Variants in GRIN3A observed in about 807,000 individuals in gnomAD.
GRIN3A encodes glutamate receptor ionotropic, NMDA 3A.
GRIN3A carries 47 observed loss-of-function variants against 92.4 expected under a neutral mutation model. The observed-to-expected ratio is 0.51, with a 90% CI of 0.40 to 0.65. The LOEUF (loss-of-function observed/expected upper bound fraction) is 0.65. Ranked by LOEUF, GRIN3A falls within the 30% of genes least tolerant of loss-of-function variation. The pLI is 0.00. For synonymous variants in GRIN3A, 527 were observed against 540.6 expected, an observed-to-expected ratio of 0.97 and a Z score of 0.35; for missense variants, 1,324 against 1,393.1, an observed-to-expected ratio of 0.95 and a Z score of 0.79.
chr9:101,686,698 GCTAC>G lies in GRIN3A; in HGVS notation c.1198_1201del (p.Val400ProfsTer5). The G allele has an allele frequency of 1.2e-6, 2 of 1,614,186 alleles. No individual in the cohort carries two copies. Among genetic ancestry groups the G allele is most frequent in the East Asian group, 4.5e-5 (2 of 44,870 alleles). ...TTCTGGTTGGATCATGGTGGCTGTG[GCTAC>G]AGCTCTTGCGACCAGCTCCATAGCA... On this transcript the variant is annotated frameshift_variant, in exon 2 of 9. Coordinates refer to ENST00000361820, the MANE Select transcript of GRIN3A (RefSeq NM_133445.3). LOFTEE classifies it high-confidence loss of function.
intron 2 of GRIN3A, among the ~76,000 whole-genome samples, chr9:101,682,907 G>T (rs559124198): frequency 1.7e-3 from 265 of 152,348 alleles, no homozygotes; most frequent in Middle Eastern, 6.8e-3. Flanking sequence ...GCGTGAACCA[G>T]GGAGGCGGAG....
At chr9:101,577,888 C>T (rs761199190) in intron 7 of GRIN3A, 44 bp from the exon 8 acceptor site, 10 of 1,419,298 alleles carry the variant, frequency 7.0e-6, no homozygotes, top group Admixed American at 5.0e-5. Context: ...ATGAGAAACA[C>T]ATAGGTCAGG....
intron 4 of GRIN3A, among the ~76,000 whole-genome samples, chr9:101,625,979 G>A (rs10512283): frequency 0.19 from 29,481 of 152,130 alleles, 3,192 homozygotes; most frequent in Non-Finnish European, 0.25. Flanking sequence ...TCTTGATTTT[G>A]GACTGCAAAG....
chr9:101,734,101 T>G (rs748599367), intron 1 of GRIN3A, among the ~76,000 whole-genome samples: 31 of 152,344 alleles, frequency 2.0e-4, no homozygotes, highest in Middle Eastern at 3.4e-3. Context: ...GAGGTGTATA[T>G]TTTTTTTAAA....
At chr9:101,615,214 CT>C (rs66704416) in intron 5 of GRIN3A, among the ~76,000 whole-genome samples, 68,629 of 143,638 alleles carry the variant, frequency 0.48, 17,183 homozygotes, top group African/African-American at 0.67. Flanking sequence ...AACCCAAACC[CT>C]TTTTTTTTTT....
intron 3 of GRIN3A, among the ~76,000 whole-genome samples, chr9:101,632,546 A>C (rs1419615188): frequency 6.6e-6 from 1 of 152,170 alleles, no homozygotes; most frequent in Non-Finnish European, 1.5e-5. Flanking sequence ...GATACATTAA[A>C]AATTTGGTGG....
intron 3 of GRIN3A, among the ~76,000 whole-genome samples, chr9:101,646,337 A>C (rs1366251297): frequency 6.6e-6 from 1 of 151,652 alleles, no homozygotes; most frequent in Non-Finnish European, 1.5e-5. Context: ...CTGTCTCTTC[A>C]ATATGCATTG....
At position 101,692,408 on chromosome 9, in the gene GRIN3A, T is replaced by C. The variant is rs546502961; in HGVS notation, c.700-5208A>G. On this transcript the variant is annotated intron_variant, in intron 1 of 8. Transcript: ENST00000361820. Reference sequence around the variant, plus strand: ...CTCAGAGAGCACAGATTCTGCTAGTTTGTGGATTAGTAAGAGTTTCAAAAA... The same window carrying C: ...CTCAGAGAGCACAGATTCTGCTAGTCTGTGGATTAGTAAGAGTTTCAAAAA... Among the ~76,000 whole-genome samples, 109 of 152,278 alleles carry C rather than the reference T, an allele frequency of 7.2e-4. 1 individual carries two copies. The South Asian group carries it at 0.022, about 31-fold the overall frequency.
chr9:101,599,659 T>C (rs988820588), intron 6 of GRIN3A, among the ~76,000 whole-genome samples: 1 of 152,180 alleles, frequency 6.6e-6, no homozygotes, highest in Non-Finnish European at 1.5e-5. Context: ...TGTCATTTTT[T>C]TCCCTCAAAA....
intron 6 of GRIN3A, among the ~76,000 whole-genome samples, chr9:101,595,515 C>T (rs551371336): frequency 6.6e-6 from 1 of 152,198 alleles, no homozygotes; most frequent in African/African-American, 2.4e-5. Context: ...CAAGGTGACA[C>T]ATCAAGGCAT....
At chr9:101,636,121 G>T (rs1296919529) in intron 3 of GRIN3A, among the ~76,000 whole-genome samples, 1 of 152,156 alleles carries the variant, frequency 6.6e-6, no homozygotes, top group Non-Finnish European at 1.5e-5. Flanking sequence ...GACCTCAAAT[G>T]ATCTGCCTGC....
intron 1 of GRIN3A, among the ~76,000 whole-genome samples, chr9:101,729,524 A>C (rs1830116080): frequency 6.6e-6 from 1 of 152,050 alleles, no homozygotes; most frequent in African/African-American, 2.4e-5. Flanking sequence ...TTGTCCTCTG[A>C]CCTTGACTTC....
intron 3 of GRIN3A, among the ~76,000 whole-genome samples, chr9:101,635,526 C>T (rs1828774445): frequency 6.6e-6 from 1 of 152,196 alleles, no homozygotes; most frequent in Admixed American, 6.5e-5. Flanking sequence ...AAATTTTTCT[C>T]TCTATTCTAA....
chr9:101,686,670 A>C lies in GRIN3A; in HGVS notation c.1230T>G (p.Leu410=), dbSNP rs1355279061. 6.2e-7 allele frequency: 1 copy of C among 1,614,166 alleles called. No homozygotes were observed. The highest frequency in any genetic ancestry group is 1.7e-5 in the Admixed American group (1 of 60,014). Residue 410 remains leucine, a synonymous_variant, in exon 2 of 9, where the codon CTT becomes CTG. Coordinates refer to ENST00000361820, the MANE Select transcript of GRIN3A (RefSeq NM_133445.3). ...AGTTCATCGTGCTGGGAATGAGAGC[A>C]AGTTCTGGTTGGATCATGGTGGCTG... is the stretch of plus-strand genomic sequence containing the variant. ...VATATMIQPE[L]ALIPSTMNCM...
chr9:101,617,205 T>TAAAAAAAAAA (rs61141843), intron 5 of GRIN3A, among the ~76,000 whole-genome samples: 2 of 107,192 alleles, frequency 1.9e-5, no homozygotes, highest in Non-Finnish European at 3.8e-5. Flanking sequence ...AGACTCCGTC[T>TAAAAAAAAAA]AAAAAAAAAA....
chr9:101,620,012 C>G lies in GRIN3A; in HGVS notation c.2614+3306G>C, dbSNP rs1012125506. Among the ~76,000 whole-genome samples the G allele has an allele frequency of 2.6e-5, 4 of 152,214 alleles. No individual in the cohort carries two copies. In the South Asian group the frequency reaches 6.2e-4, roughly 24 times the overall value. On this transcript the variant is annotated intron_variant, in intron 5 of 8. Coordinates refer to ENST00000361820, the MANE Select transcript of GRIN3A (RefSeq NM_133445.3). ...AGTACTCATGAAAGGGTTTCAAACT[C>G]AGTGTGGAGCCACTGTCCCTTATTT...
rs139959805 is a variant in GRIN3A, at chr9:101,573,287, G to C, written c.3235C>G (p.Leu1079Val). Residue 1079 changes from leucine (L) to valine (V), a missense_variant, in exon 9 of 9, where the codon CTC (leucine) becomes GTC (valine). Coordinates refer to ENST00000361820, the MANE Select transcript of GRIN3A (RefSeq NM_133445.3). The stretch of plus-strand genomic sequence containing the variant: ...TGAATCTGCTTCTCGAGCTCTGAGA[G>C]TTCCTGCATCACTGAGTTCCGAGAT... ...NVSRNSVMQELSELEKQIQVI... is the reference protein window; with the variant it reads ...NVSRNSVMQEVSELEKQIQVI... 10 of 1,614,012 alleles carry C rather than the reference G, an allele frequency of 6.2e-6. No individual in the cohort carries two copies. The highest frequency in any genetic ancestry group is 7.6e-6 in the Non-Finnish European group (9 of 1,179,962).
At chr9:101,594,985 G>C (rs763770294) in intron 6 of GRIN3A, 3 of 1,549,836 alleles carry the variant, frequency 1.9e-6, no homozygotes, top group Non-Finnish European at 2.6e-6. Context: ...CGGTGAGCTC[G>C]GGCGGGGCTC....
In GRIN3A at chr9:101,686,810, C is replaced by T; in HGVS notation, c.1090G>A (p.Glu364Lys). Residue 364 changes from glutamate (E) to lysine (K), a missense_variant, in exon 2 of 9, where the codon GAA becomes AAA. Glu to Lys is a moderately conservative substitution (Grantham distance 56). Transcript: ENST00000361820. Reference sequence around the variant, plus strand: ...AAGGGCAGACCCTCTGTCCTCAGTTCCTCCACATTCTGGGAATCTCCCAGC... The same window carrying T: ...AAGGGCAGACCCTCTGTCCTCAGTTTCTCCACATTCTGGGAATCTCCCAGC... Reference protein sequence around the residue: ...WVLGDSQNVEELRTEGLPLGL... With the variant: ...WVLGDSQNVEKLRTEGLPLGL... The T allele has an allele frequency of 6.2e-7, 1 of 1,614,152 alleles. No homozygotes were observed. The highest frequency in any genetic ancestry group is 1.1e-5 in the South Asian group (1 of 91,080).
Sources: allele counts gnomAD v4.1 joint callset (sites outside exome capture counted in the v4.1 genomes callset), GRCh38; gene constraint gnomAD v4.1.1; transcripts MANE v1.5; gene names NCBI Gene and HGNC (gene_info 2026-07-23, HGNC 2026-07-21).